The following CADPS2 variants were observed in gnomAD, a reference collection of about 807,000 sequenced individuals.
CADPS2 encodes the protein calcium-dependent secretion activator 2.
Under a neutral mutation model 172.5 loss-of-function variants are expected in CADPS2, and 93 were observed. The ratio of observed to expected loss-of-function variants is 0.54; its 90% CI spans 0.46 to 0.64. The LOEUF is 0.64. CADPS2 is among the 30% of genes least tolerant of loss of function. CADPS2 has a pLI of 0.00. For synonymous variants in CADPS2, 546 were observed against 555.2 expected (o/e 0.98, Z 0.23); for missense variants, 1,420 against 1,565.9 (o/e 0.91, Z 1.57).
chr7:122,708,722 G>C (rs2088096558), intron 2 of CADPS2, among the ~76,000 whole-genome samples: 2 of 151,646 alleles, frequency 1.3e-5, no homozygotes, highest in Non-Finnish European at 2.9e-5. Flanking sequence ...CAGAATTCAA[G>C]TCATGGTCTA....
In CADPS2 at chr7:122,550,206, C is replaced by T. The variant is rs2064093451; in HGVS notation, c.1475+4344G>A. 2.6e-5 allele frequency among the ~76,000 whole-genome samples: 4 copies of T among 152,288 alleles called. 1 individual carries two copies. The South Asian group carries it at 8.3e-4, about 32-fold the overall frequency. On this transcript the variant is annotated intron_variant, in intron 8 of 29. Coordinates refer to ENST00000449022, the MANE Select transcript of CADPS2 (RefSeq NM_017954.11). ...GAAGTTTAACTATTGTCTCTCCTTG[C>T]AACAAGAGATGAGCCCAATGCCTTT... is the stretch of plus-strand genomic sequence containing the variant.
At chr7:122,775,022 GT>G (rs201268475) in intron 1 of CADPS2, among the ~76,000 whole-genome samples, 1 of 151,476 alleles carries the variant, frequency 6.6e-6, no homozygotes, top group Non-Finnish European at 1.5e-5. Flanking sequence ...AACTATGTGT[GT>G]TTTTTTTAAA....
At chr7:122,424,960 T>C (rs1431563456) in intron 17 of CADPS2, among the ~76,000 whole-genome samples, 1 of 152,186 alleles carries the variant, frequency 6.6e-6, no homozygotes, top group Non-Finnish European at 1.5e-5. Context: ...TTTTGCCAGC[T>C]AATTGTGTAA....
chr7:122,497,514 T>G (rs913550771), intron 9 of CADPS2, among the ~76,000 whole-genome samples: 1 of 152,176 alleles, frequency 6.6e-6, no homozygotes, highest in Non-Finnish European at 1.5e-5. Context: ...CCAGGAAACT[T>G]TGAGTGCTTT....
intron 6 of CADPS2, among the ~76,000 whole-genome samples, chr7:122,606,763 T>A (rs2073609902): frequency 1.3e-5 from 2 of 152,056 alleles, no homozygotes; most frequent in Non-Finnish European, 2.9e-5. Flanking sequence ...GAAGGTATAA[T>A]ACACAGCCCT....
intron 3 of CADPS2, among the ~76,000 whole-genome samples, chr7:122,630,830 T>C (rs1249187989): frequency 1.3e-5 from 2 of 152,138 alleles, no homozygotes; most frequent in East Asian, 3.9e-4. Flanking sequence ...AGTTGATTTT[T>C]AAAAAACCAA....
chr7:122,541,830 T>TATGCA, intron 8 of CADPS2, among the ~76,000 whole-genome samples: 1 of 116,528 alleles, frequency 8.6e-6, no homozygotes, highest in African/African-American at 3.3e-5. Flanking sequence ...TGTTTATATA[T>TATGCA]TCATATGTTT....
Position 122,423,636 on chromosome 7 carries a change from G to A in CADPS2, c.2477-7472C>T, listed in dbSNP as rs183670397. Among the ~76,000 whole-genome samples the A allele has an allele frequency of 2.6e-5, 4 of 152,254 alleles. No individual in the cohort carries two copies. The East Asian group carries it at 7.7e-4, about 29-fold the overall frequency. On this transcript the variant is annotated intron_variant, in intron 17 of 29. Coordinates refer to ENST00000449022, the MANE Select transcript of CADPS2 (RefSeq NM_017954.11). ...TGACTGAAACCCAAATGATATTATG[G>A]TTCCACAAGTGTTGGACTATGTACT...
At chr7:122,704,627 C>G (rs2086695932) in intron 2 of CADPS2, among the ~76,000 whole-genome samples, 1 of 151,918 alleles carries the variant, frequency 6.6e-6, no homozygotes, top group Non-Finnish European at 1.5e-5. Flanking sequence ...TTGAAAGGAC[C>G]AATTTGAGGA....
chr7:122,541,821 GTTTATATATT>G (rs2063078041), intron 8 of CADPS2, among the ~76,000 whole-genome samples: 3 of 69,666 alleles, frequency 4.3e-5, no homozygotes, highest in African/African-American at 1.6e-4. Context: ...ATATTCATAT[GTTTATATATT>G]CATATGTTTA....
chr7:122,736,784 A>T (rs1017587270), intron 2 of CADPS2, among the ~76,000 whole-genome samples, 171 bp downstream of exon 2: 1 of 152,204 alleles, frequency 6.6e-6, no homozygotes, highest in African/African-American at 2.4e-5. Flanking sequence ...CAGGCTGTGG[A>T]ATTAGAGCTT....
intron 19 of CADPS2, 78 bp from the exon 20 acceptor site, chr7:122,407,774 A>AC (rs1208321144): frequency 7.6e-7 from 1 of 1,321,144 alleles, no homozygotes; most frequent in South Asian, 1.3e-5. Context: ...CCAGTTGAAA[A>AC]TATTTTATAA....
chr7:122,377,953 A>C (rs1453671659), intron 25 of CADPS2, among the ~76,000 whole-genome samples: 49 of 152,176 alleles, frequency 3.2e-4, no homozygotes, highest in Admixed American at 3.2e-3. Context: ...AGATGAAATG[A>C]AAAATGAACT....
intron 19 of CADPS2, among the ~76,000 whole-genome samples, chr7:122,410,318 T>C (rs1316684188): frequency 6.6e-6 from 1 of 152,012 alleles, no homozygotes; most frequent in Non-Finnish European, 1.5e-5. Context: ...CACTCCAGCC[T>C]GGGTGACAGA....
At chr7:122,411,115 C>T (rs1431277719) in intron 19 of CADPS2, among the ~76,000 whole-genome samples, 2 of 152,290 alleles carry the variant, frequency 1.3e-5, no homozygotes, top group East Asian at 3.9e-4. Context: ...ATCCATCCAT[C>T]CATCCATCTA....
At chr7:122,699,208 A>C (rs2085642641) in intron 2 of CADPS2, 1 of 282,030 alleles carries the variant, frequency 3.5e-6, no homozygotes, top group Non-Finnish European at 6.7e-6. Context: ...CAATTAGATA[A>C]GAGCTTAGAG....
At chr7:122,456,917 A>G (rs12706415) in intron 14 of CADPS2, among the ~76,000 whole-genome samples, 8,633 of 152,330 alleles carry the variant, frequency 0.057, 328 homozygotes, top group Non-Finnish European at 0.062. Flanking sequence ...CTGGCAGATT[A>G]CTGCATTCTA....
At chr7:122,458,214 T>C (rs777264537) in intron 14 of CADPS2, among the ~76,000 whole-genome samples, 8 of 152,168 alleles carry the variant, frequency 5.3e-5, no homozygotes, top group African/African-American at 9.7e-5. Flanking sequence ...GCACAGCAGG[T>C]AAAAGTCACT....
intron 12 of CADPS2, among the ~76,000 whole-genome samples, chr7:122,476,261 G>A (rs888631027): frequency 2.6e-5 from 4 of 151,828 alleles, no homozygotes; most frequent in Non-Finnish European, 5.9e-5. Flanking sequence ...CACCAGAGAA[G>A]GTTACAACAG....
Sources: allele counts gnomAD v4.1 joint callset (sites outside exome capture counted in the v4.1 genomes callset), GRCh38; gene constraint gnomAD v4.1.1; transcripts MANE v1.5; gene names NCBI Gene and HGNC (gene_info 2026-07-23, HGNC 2026-07-21).